Variants in NBPF8 observed in about 807,000 individuals in gnomAD.
NBPF8 encodes NBPF member 8.
At chr1:120,456,278 G>T (rs1473282866) in intron 16 of NBPF8, among the ~76,000 whole-genome samples, 1 of 150,876 alleles carries the variant, frequency 6.6e-6, no homozygotes, top group Non-Finnish European at 1.5e-5. Flanking sequence ...ATGTCTTTTA[G>T]GTCTGCTTGG....
chr1:120,420,722 G>T (rs1660550016), intron 1 of NBPF8, among the ~76,000 whole-genome samples: 1 of 145,020 alleles, frequency 6.9e-6, no homozygotes, highest in East Asian at 1.9e-4. Flanking sequence ...ATGGGCCACA[G>T]TGGAATTCTT....
chr1:120,468,899 G>A (rs1480798633), downstream of NBPF8, among the ~76,000 whole-genome samples: 1 of 151,816 alleles, frequency 6.6e-6, no homozygotes, highest in Non-Finnish European at 1.5e-5. Context: ...CCTGGCTAAA[G>A]AAAATCACCT....
upstream of NBPF8, among the ~76,000 whole-genome samples, chr1:120,436,057 T>A (rs1176376624): frequency 0.034 from 5,154 of 151,906 alleles, 294 homozygotes; most frequent in African/African-American, 0.12. Context: ...TCTGTGGCAT[T>A]GTCACAAGGG....
At chr1:120,415,712 C>G (rs113102288), upstream of NBPF8, among the ~76,000 whole-genome samples, 1 of 152,194 alleles carries the variant, frequency 6.6e-6, no homozygotes, top group Non-Finnish European at 1.5e-5. Flanking sequence ...GATTCTGCTC[C>G]TGGCGGTTTC....
At chr1:120,466,560 G>A (rs2101705456) in exon 25 of NBPF8, 1 of 296,526 alleles carries the variant, frequency 3.4e-6, no homozygotes, top group Non-Finnish European at 6.5e-6. Context: ...CCTGCTCAAG[G>A]TCATTGTCAT....
chr1:120,469,005 T>C (rs1453970846), downstream of NBPF8, among the ~76,000 whole-genome samples: 133 of 151,874 alleles, frequency 8.8e-4, no homozygotes, highest in African/African-American at 3.1e-3. Context: ...CTGAAGTGTA[T>C]GTTGAGAAAT....
At chr1:120,469,009 G>C (rs1162413869), downstream of NBPF8, among the ~76,000 whole-genome samples, 1 of 151,866 alleles carries the variant, frequency 6.6e-6, no homozygotes, top group Non-Finnish European at 1.5e-5. Context: ...AGTGTATGTT[G>C]AGAAATTCAG....
intron 16 of NBPF8, among the ~76,000 whole-genome samples, chr1:120,456,065 G>A (rs1232966757): frequency 2.0e-5 from 3 of 152,014 alleles, no homozygotes; most frequent in African/African-American, 7.3e-5. Context: ...CAGTTTCCAT[G>A]TAGTTGTGCG....
intron 14 of NBPF8, 93 bp downstream of exon 12, chr1:120,453,537 A>G (rs1661345791): frequency 1.8e-6 from 2 of 1,113,350 alleles, no homozygotes; most frequent in East Asian, 2.3e-5. Flanking sequence ...ATGGGTCAAA[A>G]ACCCGCATTT....
chr1:120,427,992 T>A (rs1319012674), intron 3 of NBPF8, among the ~76,000 whole-genome samples, 145 bp downstream of exon 3: 53 of 152,258 alleles, frequency 3.5e-4, no homozygotes, highest in Admixed American at 7.9e-4. Flanking sequence ...TGATGTCCCT[T>A]GTTCAACAAT....
In NBPF8 at chr1:120,454,120, C is replaced by T. The variant is rs1156337449; in HGVS notation, n.2568+6C>T. ...TGCTGTACACATTATTCCAGGTAGC[C>T]TCTGTTTTCCTTGTGTCTCATACCT... On this transcript the variant is annotated splice_donor_region_variant and intron_variant and non_coding_transcript_variant, in intron 15 of 24. Transcript: ENST00000583271. The T allele has an allele frequency of 1.2e-6, 2 of 1,612,312 alleles. No homozygotes were observed. The highest frequency in any genetic ancestry group is 3.3e-5 in the Admixed American group (2 of 59,968).
At chr1:120,465,758 C>G (rs1294830411) in intron 24 of NBPF8, among the ~76,000 whole-genome samples, 2 of 97,816 alleles carry the variant, frequency 2.0e-5, no homozygotes, top group African/African-American at 3.3e-5. Context: ...GTCACTTTCT[C>G]TCTGTCTCTG....
chr1:120,459,683 G>T (rs1257592210), intron 17 of NBPF8, among the ~76,000 whole-genome samples, 153 bp downstream of exon 15: 1 of 151,488 alleles, frequency 6.6e-6, no homozygotes, highest in Non-Finnish European at 1.5e-5. Context: ...CTCTGGAGTC[G>T]AGTCTGAAGC....
chr1:120,462,837 C>T (rs1661630558), exon 21 of NBPF8: 2 of 342,952 alleles, frequency 5.8e-6, no homozygotes, highest in Non-Finnish European at 1.0e-5. Flanking sequence ...TGAAGTCTTG[C>T]AGGACTCACT....
At chr1:120,429,390 C>T (rs201911483) in intron 3 of NBPF8, among the ~76,000 whole-genome samples, 8 of 152,134 alleles carry the variant, frequency 5.3e-5, no homozygotes, top group East Asian at 1.9e-4. Flanking sequence ...GGAACAGCGG[C>T]GTGCGTGTAA....
chr1:120,429,522 T>C (rs2101548964), intron 3 of NBPF8, among the ~76,000 whole-genome samples: 1 of 152,332 alleles, frequency 6.6e-6, no homozygotes, highest in South Asian at 2.1e-4. Context: ...CCGTGGGACT[T>C]GGCTGTCTAG....
intron 20 of NBPF8, 122 bp downstream of exon 18, chr1:120,462,319 A>G: frequency 2.9e-6 from 2 of 679,908 alleles, no homozygotes; most frequent in Admixed American, 2.2e-5. Context: ...TCCTCCTGAC[A>G]TTGCTGTTGG....
At position 120,463,090 on chromosome 1, in the gene NBPF8, G is replaced by A. The variant is rs1474891601; in HGVS notation, n.3234+124G>A. 2.3e-4 allele frequency: 157 copies of A among 690,222 alleles called. 1 individual carries two copies. The highest frequency in any genetic ancestry group is 8.8e-4 in the South Asian group (57 of 64,558). The allele number at this position is 690,222 out of a possible 1,614,324, so 42.8% of individuals were successfully genotyped here. On this transcript the variant is annotated intron_variant and non_coding_transcript_variant, in intron 21 of 24. Transcript: ENST00000583271. ...ATTGCCGCAGGCAGGACCTATGGGC[G>A]CATATAGGTTGTAATGAGACTGTAG...
chr1:120,468,092 A>AGTT (rs1159512341), downstream of NBPF8, among the ~76,000 whole-genome samples: 3 of 151,214 alleles, frequency 2.0e-5, no homozygotes, highest in African/African-American at 7.3e-5. Context: ...TTTGGTTTAT[A>AGTT]GTTTTAAATT....
Sources: gnomAD v4.1 joint callset for allele counts (sites outside exome capture counted in the v4.1 genomes callset) on GRCh38, gnomAD v4.1.1 for gene constraint, MANE v1.5 for transcripts, NCBI Gene and HGNC (gene_info 2026-07-23, HGNC 2026-07-21) for gene names.